The following TOB2 variants were observed in gnomAD, a reference collection of about 807,000 sequenced individuals.
The protein encoded by TOB2 is protein Tob2.
In TOB2, 3 loss-of-function variants were observed where a neutral mutation model predicts 17.3. That is an observed-to-expected ratio of 0.17 (90% CI 0.08 to 0.45). The LOEUF (loss-of-function observed/expected upper bound fraction) is 0.45. Among genes scored for constraint, TOB2 ranks in the 20% least tolerant of loss-of-function variants. The pLI, the probability that TOB2 is intolerant of heterozygous loss-of-function variation, is 0.99. For synonymous variants in TOB2, 163 were observed against 185.6 expected (o/e 0.88, Z 0.99); for missense variants, 407 against 445.7 (o/e 0.91, Z 0.78).
At position 41,437,247 on chromosome 22, in the gene TOB2, C is replaced by A. The variant is rs1446484281; in HGVS notation, c.99G>T (p.Glu33Asp). Residue 33 changes from glutamate to aspartate, a missense_variant, in exon 2 of 2, where the codon GAG becomes GAT. Physicochemically the swap from Glu to Asp is conservative, Grantham distance 45. Coordinates refer to ENST00000327492, the MANE Select transcript of TOB2 (RefSeq NM_016272.4). ...CTTCATATTTCTTTTTCAAAAGCCG[C>A]TCTAGCTCCTCCCCAAACAGGTCTG... The part of the protein sequence containing the change: ...RRADLFGEEL[E>D]RLLKKKYEGH... The A allele has an allele frequency of 1.2e-6, 2 of 1,614,010 alleles. No homozygotes were observed. Among genetic ancestry groups the A allele is most frequent in the African/African-American group, 2.7e-5 (2 of 74,916 alleles).
intron 1 of TOB2, among the ~76,000 whole-genome samples, chr22:41,441,833 C>T (rs2037623687): frequency 6.6e-6 from 1 of 151,784 alleles, no homozygotes; most frequent in Admixed American, 6.6e-5. Flanking sequence ...ATTGCTTGAA[C>T]CCAGGAGGCG....
chr22:41,435,585 G>C lies in TOB2; in HGVS notation c.*726C>G, dbSNP rs1001223324. The C allele has an allele frequency of 6.5e-6, 1 of 152,724 alleles. No individual in the cohort carries two copies. The highest frequency in any genetic ancestry group is 2.4e-5 in the African/African-American group (1 of 41,462). 9.5% of individuals were successfully genotyped at this position (152,724 alleles called of 1,614,324 possible). On this transcript the variant is annotated 3_prime_UTR_variant, in exon 2 of 2. Transcript: ENST00000327492. ...ATCAATGGCCAGGGCCATGATGATG[G>C]TCTGGGCCTAGAGGGAATGGTGGGG...
chr22:41,437,948 CAAAAAAAAA>C (rs35151486), intron 1 of TOB2, among the ~76,000 whole-genome samples: 6 of 44,478 alleles, frequency 1.3e-4, no homozygotes, highest in African/African-American at 4.3e-4. Flanking sequence ...GACTCCATCT[CAAAAAAAAA>C]AAAAAAAAAA....
intron 1 of TOB2, among the ~76,000 whole-genome samples, chr22:41,440,338 C>T (rs538050128): frequency 1.3e-5 from 2 of 150,276 alleles, no homozygotes; most frequent in African/African-American, 4.9e-5. Context: ...AGGATGGTCT[C>T]GAACTGCTGA....
intron 1 of TOB2, among the ~76,000 whole-genome samples, chr22:41,440,180 C>T (rs1240708032): frequency 4.6e-5 from 7 of 151,412 alleles, no homozygotes; most frequent in South Asian, 2.1e-4. Context: ...TGCAATGGCA[C>T]GGTCTCGGCT....
Position 41,437,189 on chromosome 22 carries a change from A to T in TOB2, c.157T>A (p.Ser53Thr). 1 of 1,614,116 alleles carries T rather than the reference A, an allele frequency of 6.2e-7. No individual in the cohort carries two copies. The highest frequency in any genetic ancestry group is 1.1e-5 in the South Asian group (1 of 91,076). ...HWYPEKPLKG[S>T]GFRCVHIGEM... The stretch of plus-strand genomic sequence containing the variant: ...CCAATGTGAACACAGCGGAAGCCAG[A>T]GCCTTTCAGTGGCTTCTCAGGGTAC... The change falls in exon 2 of 2, where the codon TCT (serine) becomes ACT (threonine). Residue 53 changes from serine to threonine, a missense_variant. Coordinates refer to ENST00000327492, the MANE Select transcript of TOB2 (RefSeq NM_016272.4).
rs2037518401 is a variant in TOB2, at chr22:41,434,108, A to C, written c.*2203T>G. On this transcript the variant is annotated 3_prime_UTR_variant, in exon 2 of 2. Transcript: ENST00000327492. The stretch of plus-strand genomic sequence containing the variant: ...GTAAAAAATAAAAAAAAGTTTTCCT[A>C]CGAAACCAGGTAAATTAGTGCAGAT... 1 of 156,846 alleles carries C rather than the reference A, an allele frequency of 6.4e-6. No individual in the cohort carries two copies. The highest frequency in any genetic ancestry group is 6.4e-5 in the Admixed American group (1 of 15,568). The allele number at this position is 156,846 out of a possible 1,614,324, so 9.7% of individuals were successfully genotyped here.
chr22:41,436,640 A>T lies in TOB2; in HGVS notation c.706T>A (p.Ser236Thr). 1 of 1,614,046 alleles carries T rather than the reference A, an allele frequency of 6.2e-7. No homozygotes were observed. Among genetic ancestry groups the T allele is most frequent in the Non-Finnish European group, 8.5e-7 (1 of 1,179,984 alleles). Reference sequence around the variant, plus strand: ...GTGATGAAGTTCAGTGAATGCATAGACAGAGAGAGGCTCTTGTGCTTCAGC... The same window carrying T: ...GTGATGAAGTTCAGTGAATGCATAGTCAGAGAGAGGCTCTTGTGCTTCAGC... ...SLLKHKSLSL[S>T]MHSLNFITAN... Residue 236 changes from serine (S) to threonine (T), a missense_variant, in exon 2 of 2, where the codon TCT (serine) becomes ACT (threonine). Transcript: ENST00000327492. The surrounding 1 kb of genome is among the most constrained non-coding windows in gnomAD (Gnocchi z 4.8).
chr22:41,445,484 G>A (rs1314931252), intron 1 of TOB2, among the ~76,000 whole-genome samples: 2 of 152,176 alleles, frequency 1.3e-5, no homozygotes, highest in African/African-American at 2.4e-5. Context: ...AGGAGAAAAA[G>A]ACCGTTTAGA....
At chr22:41,443,186 G>C (rs2037637274) in intron 1 of TOB2, among the ~76,000 whole-genome samples, 1 of 152,166 alleles carries the variant, frequency 6.6e-6, no homozygotes, top group Non-Finnish European at 1.5e-5. Flanking sequence ...GGAAGAAGTG[G>C]GGCGTGAAGC....
intron 1 of TOB2, among the ~76,000 whole-genome samples, chr22:41,440,764 A>C (rs1022265033): frequency 6.6e-6 from 1 of 151,990 alleles, no homozygotes; most frequent in African/African-American, 2.4e-5. Flanking sequence ...ACGGGGTTTC[A>C]TCACGTTGGC....
Position 41,436,314 on chromosome 22 carries a change from G to A in TOB2, c.1032C>T (p.Asn344=). Residue 344 remains asparagine (N), a synonymous_variant, in exon 2 of 2, where the codon AAC becomes AAT. Transcript: ENST00000327492. This position sits in a 1 kb window ranked among gnomAD's most constrained non-coding sequence, Gnocchi z 4.8. ...SQQFQPVVLA[N] is the part of the protein sequence containing the mutation. The stretch of plus-strand genomic sequence containing the variant: ...GGCCCCACGGGCAGGTAGATGGTCA[G>A]TTGGCCAGCACCACGGGCTGGAACT... The A allele has an allele frequency of 6.4e-7, 1 of 1,560,048 alleles. No individual in the cohort carries two copies.
At chr22:41,444,159 C>G (rs549312074) in intron 1 of TOB2, among the ~76,000 whole-genome samples, 9 of 152,156 alleles carry the variant, frequency 5.9e-5, no homozygotes, top group African/African-American at 2.2e-4. Context: ...GAGAGCCAAA[C>G]GCAGGCAGCT....
At chr22:41,441,680 G>C (rs775491624) in intron 1 of TOB2, among the ~76,000 whole-genome samples, 12 of 152,168 alleles carry the variant, frequency 7.9e-5, no homozygotes, top group Non-Finnish European at 1.8e-4. Context: ...TTGCGAGGCT[G>C]AGGCGGGTGG....
chr22:41,439,171 G>T (rs1159868550), intron 1 of TOB2, among the ~76,000 whole-genome samples: 1 of 152,196 alleles, frequency 6.6e-6, no homozygotes, highest in Non-Finnish European at 1.5e-5. Context: ...AAACTGAACT[G>T]AAAGAGCCAT....
Position 41,436,538 on chromosome 22 carries a change from G to T in TOB2, c.808C>A (p.Leu270Ile), listed in dbSNP as rs1408630136. ...FVYNGGGSPS[L>I]FFDAADGQGS... ...TGGCCATCGGCCGCATCAAAGAAGAGGCTGGGTGAGCCACCACCGTTGTAC... is the reference window on the plus strand; with the variant it reads ...TGGCCATCGGCCGCATCAAAGAAGATGCTGGGTGAGCCACCACCGTTGTAC... The change falls in exon 2 of 2, where the codon CTC (leucine) becomes ATC (isoleucine). Residue 270 changes from leucine (L) to isoleucine (I), a missense_variant. Coordinates refer to ENST00000327492, the MANE Select transcript of TOB2 (RefSeq NM_016272.4). This position sits in a 1 kb window ranked among gnomAD's most constrained non-coding sequence, Gnocchi z 4.8. 1 of 1,610,644 alleles carries T rather than the reference G, an allele frequency of 6.2e-7. No individual in the cohort carries two copies. The highest frequency in any genetic ancestry group is 1.1e-5 in the South Asian group (1 of 90,776).
intron 1 of TOB2, among the ~76,000 whole-genome samples, chr22:41,444,697 G>A (rs1207085102): frequency 6.6e-6 from 1 of 152,198 alleles, no homozygotes; most frequent in East Asian, 1.9e-4. Flanking sequence ...ATTTCATGTA[G>A]ATTCTACCCA....
At chr22:41,439,606 C>G (rs2037592046) in intron 1 of TOB2, among the ~76,000 whole-genome samples, 1 of 152,144 alleles carries the variant, frequency 6.6e-6, no homozygotes, top group African/African-American at 2.4e-5. Context: ...ACCTCCACCT[C>G]CCAGGTTCAA....
rs747772087 is a variant in TOB2, at chr22:41,437,382, T to G, written c.-37A>C. ...AGGCAGAGAATCAGCACAGGGCACG[T>G]GTACAGCCTTGGGCTCCAGGCGGCT... On this transcript the variant is annotated 5_prime_UTR_variant, in exon 2 of 2. Coordinates refer to ENST00000327492, the MANE Select transcript of TOB2 (RefSeq NM_016272.4). 6.3e-7 allele frequency: 1 copy of G among 1,577,828 alleles called. No homozygotes were observed. Among genetic ancestry groups the G allele is most frequent in the Non-Finnish European group, 8.6e-7 (1 of 1,163,376 alleles).
Sources: allele counts gnomAD v4.1 joint callset (sites outside exome capture counted in the v4.1 genomes callset), GRCh38; gene constraint gnomAD v4.1.1; non-coding constraint Gnocchi (gnomAD v3.1); transcripts MANE v1.5; gene names NCBI Gene and HGNC (gene_info 2026-07-23, HGNC 2026-07-21).